The following CNNM4 variants were observed in gnomAD, a reference collection of about 807,000 sequenced individuals.
CNNM4 encodes the protein cyclin and CBS domain divalent metal cation transport mediator 4.
A neutral mutation model predicts 53.7 loss-of-function variants in CNNM4; 32 were observed. That is an observed-to-expected ratio of 0.60 (90% CI 0.45 to 0.80). The LOEUF (loss-of-function observed/expected upper bound fraction) is 0.80. Among genes scored for constraint, CNNM4 ranks in the 30% least tolerant of loss-of-function variants. The probability of loss-of-function intolerance (pLI) is 0.00; values close to 1 mark genes in which losing one functional copy is unlikely to be tolerated. For missense variants in CNNM4, 784 were observed against 1,022.0 expected, an observed-to-expected ratio of 0.77 and a Z score of 3.17; for synonymous variants, 410 against 440.0, an observed-to-expected ratio of 0.93 and a Z score of 0.85.
chr2:96,782,426 A>G (rs1006500428), intron 1 of CNNM4, among the ~76,000 whole-genome samples: 1 of 152,114 alleles, frequency 6.6e-6, no homozygotes, highest in Non-Finnish European at 1.5e-5. Flanking sequence ...AAAAAAAAAA[A>G]AGAATTTTGG....
At chr2:96,790,602 C>A in intron 1 of CNNM4, among the ~76,000 whole-genome samples, 1 of 151,196 alleles carries the variant, frequency 6.6e-6, no homozygotes. Context: ...GATCCGCCTG[C>A]CTCGGCCTCC....
At chr2:96,787,655 C>A (rs1241764552) in intron 1 of CNNM4, among the ~76,000 whole-genome samples, 1 of 152,062 alleles carries the variant, frequency 6.6e-6, no homozygotes, top group African/African-American at 2.4e-5. Flanking sequence ...CCCAGGAGTT[C>A]GAGATCAGCC....
chr2:96,797,094 C>T lies in CNNM4; in HGVS notation c.1485C>T (p.Thr495=), dbSNP rs746990656. Residue 495 remains threonine, a synonymous_variant, in exon 2 of 7, where the codon ACC becomes ACT. Transcript: ENST00000377075. This position sits in a 1 kb window ranked among gnomAD's most constrained non-coding sequence, Gnocchi z 6.0. ...TCTACGAGGTCCTGGGCCTGGTCAC[C>T]CTGGAGGACGTGATCGAGGAGATCA... ...DPFYEVLGLV[T]LEDVIEEIIK... is the part of the protein sequence containing the mutation. 6.2e-7 allele frequency: 1 copy of T among 1,614,108 alleles called. No individual in the cohort carries two copies. Among genetic ancestry groups the T allele is most frequent in the East Asian group, 2.2e-5 (1 of 44,866 alleles).
chr2:96,806,552 C>T (rs903232391), intron 5 of CNNM4, among the ~76,000 whole-genome samples: 6 of 151,174 alleles, frequency 4.0e-5, no homozygotes, highest in Admixed American at 2.0e-4. Flanking sequence ...CGCGCGCGCG[C>T]GCCCTTAGTT....
At chr2:96,803,845 C>T (rs1419087466) in intron 5 of CNNM4, among the ~76,000 whole-genome samples, 2 of 152,016 alleles carry the variant, frequency 1.3e-5, no homozygotes, top group Non-Finnish European at 2.9e-5. Context: ...ATCATAATTT[C>T]ATCTCTCAGA....
chr2:96,766,955 G>A (rs1460747292), intron 1 of CNNM4, among the ~76,000 whole-genome samples: 1 of 152,130 alleles, frequency 6.6e-6, no homozygotes, highest in Non-Finnish European at 1.5e-5. Context: ...GACATGTCAG[G>A]GACTGAGAAG....
chr2:96,789,978 C>T (rs7599624), intron 1 of CNNM4, among the ~76,000 whole-genome samples: 26,172 of 101,864 alleles, frequency 0.26, 3,745 homozygotes, highest in Middle Eastern at 0.34. Flanking sequence ...GGATTACAGG[C>T]GTGAGCCAAC....
At chr2:96,788,863 C>G (rs1032448801) in intron 1 of CNNM4, 4 of 152,272 alleles carry the variant, frequency 2.6e-5, no homozygotes, top group Admixed American at 6.5e-5. Flanking sequence ...GGGCCCCTGG[C>G]TTTTCCCCAT....
chr2:96,773,608 C>T (rs974100778), intron 1 of CNNM4, among the ~76,000 whole-genome samples: 7 of 152,010 alleles, frequency 4.6e-5, no homozygotes, highest in African/African-American at 1.4e-4. Flanking sequence ...TTTGGGAGGT[C>T]GAGGTGGACA....
chr2:96,789,505 G>A (rs1214400396), intron 1 of CNNM4, among the ~76,000 whole-genome samples: 1 of 152,142 alleles, frequency 6.6e-6, no homozygotes, highest in East Asian at 1.9e-4. Flanking sequence ...CTGCTGGACA[G>A]AGGTCGCTGG....
rs1220502525 is a variant in CNNM4, at chr2:96,809,609, G to T, written c.*92G>T. 1 of 1,147,970 alleles carries T rather than the reference G, an allele frequency of 8.7e-7. No individual in the cohort carries two copies. Among genetic ancestry groups the T allele is most frequent in the East Asian group, 2.5e-5 (1 of 40,302 alleles). 71.1% of individuals were successfully genotyped at this position (1,147,970 alleles called of 1,614,324 possible). On this transcript the variant is annotated 3_prime_UTR_variant, in exon 7 of 7. Transcript: ENST00000377075. The stretch of plus-strand genomic sequence containing the variant: ...GAACCTGTTAGTCCAGAAAGGATAC[G>T]GATAGATAGCCTGTCTGACTGAACA...
intron 1 of CNNM4, among the ~76,000 whole-genome samples, chr2:96,794,064 G>T (rs372666403): frequency 5.9e-5 from 9 of 152,296 alleles, no homozygotes; most frequent in African/African-American, 2.2e-4. Context: ...AGTAATTAGG[G>T]ATGTGAATGT....
At chr2:96,784,256 C>A (rs1319982558) in intron 1 of CNNM4, among the ~76,000 whole-genome samples, 3 of 151,798 alleles carry the variant, frequency 2.0e-5, no homozygotes, top group African/African-American at 7.3e-5. Context: ...GGCAGCAAGA[C>A]CTTGTCTCAA....
Position 96,761,365 on chromosome 2 carries a change from C to T in CNNM4, c.366C>T (p.Asn122=), listed in dbSNP as rs1268688895. The stretch of plus-strand genomic sequence containing the variant: ...ACCTGGTCGTCCAGCAGCTGGTCAA[C>T]GTGAGCCGCGGGAACACGTCCGGCG... ...TKDLVVQQLV[N]VSRGNTSGVL... is the part of the protein sequence containing the mutation. Residue 122 remains asparagine (N), a synonymous_variant, in exon 1 of 7, where the codon AAC becomes AAT. Transcript: ENST00000377075. This position sits in a 1 kb window ranked among gnomAD's most constrained non-coding sequence, Gnocchi z 6.0. The T allele has an allele frequency of 1.2e-6, 2 of 1,614,096 alleles. No individual in the cohort carries two copies. Among genetic ancestry groups the T allele is most frequent in the Non-Finnish European group, 8.5e-7 (1 of 1,180,042 alleles).
chr2:96,761,938 C>A lies in CNNM4; in HGVS notation c.939C>A (p.Thr313=), dbSNP rs780881771. 10 of 1,614,076 alleles carry A rather than the reference C, an allele frequency of 6.2e-6. No homozygotes were observed. Among genetic ancestry groups the A allele is most frequent in the Non-Finnish European group, 7.6e-6 (9 of 1,180,044 alleles). Residue 313 remains threonine (T), a synonymous_variant, in exon 1 of 7, where the codon ACC becomes ACA. Coordinates refer to ENST00000377075, the MANE Select transcript of CNNM4 (RefSeq NM_020184.4). This position sits in a 1 kb window ranked among gnomAD's most constrained non-coding sequence, Gnocchi z 6.0. ...TCACCAAATTCTTTATGCTACTCACCTTCCCCCTCAGTTTTCCCATTAGCA... is the reference window on the plus strand; with the variant it reads ...TCACCAAATTCTTTATGCTACTCACATTCCCCCTCAGTTTTCCCATTAGCA... ...ILLTKFFMLL[T]FPLSFPISKL...
intron 5 of CNNM4, among the ~76,000 whole-genome samples, chr2:96,802,883 A>G (rs2079171577): frequency 6.6e-6 from 1 of 152,132 alleles, no homozygotes; most frequent in African/African-American, 2.4e-5. Context: ...CCCGTGTGCA[A>G]CCAGGCCGCA....
intron 1 of CNNM4, among the ~76,000 whole-genome samples, chr2:96,791,936 A>T (rs1440183216): frequency 6.8e-6 from 1 of 147,812 alleles, no homozygotes; most frequent in African/African-American, 2.5e-5. Context: ...GCTGGAGTGC[A>T]GTGGCATGAT....
At position 96,762,738 on chromosome 2, in the gene CNNM4, A is replaced by C. The variant is rs548759783; in HGVS notation, c.1402+337A>C. 2.0e-5 allele frequency among the ~76,000 whole-genome samples: 3 copies of C among 152,218 alleles called. 1 individual carries two copies. The South Asian group carries it at 6.2e-4, about 32-fold the overall frequency. On this transcript the variant is annotated intron_variant, in intron 1 of 6. Coordinates refer to ENST00000377075, the MANE Select transcript of CNNM4 (RefSeq NM_020184.4). ...AGAGGCCAGGGCGATGGAGATTTAG[A>C]GTATGGGGTGGAGTCAGGAAGGGGC...
At chr2:96,791,001 TC>T (rs1283822008) in intron 1 of CNNM4, among the ~76,000 whole-genome samples, 1 of 150,958 alleles carries the variant, frequency 6.6e-6, no homozygotes, top group Non-Finnish European at 1.5e-5. Context: ...GTGCCTGTAG[TC>T]CCAGCTACTC....
Sources: gnomAD v4.1 joint callset for allele counts (sites outside exome capture counted in the v4.1 genomes callset) on GRCh38, gnomAD v4.1.1 for gene constraint, Gnocchi (gnomAD v3.1) non-coding constraint, MANE v1.5 for transcripts, NCBI Gene and HGNC (gene_info 2026-07-23, HGNC 2026-07-21) for gene names.